Variants in NT5E observed in about 807,000 individuals in gnomAD.
NT5E encodes the protein 5'-nucleotidase ecto.
NT5E carries 53 observed loss-of-function variants against 55.1 expected under a neutral mutation model. That is an observed-to-expected ratio of 0.96 (90% CI 0.77 to 1.21). NT5E has a LOEUF of 1.21. NT5E is among the 50% of genes most tolerant of loss of function. The pLI, the probability that NT5E is intolerant of heterozygous loss-of-function variation, is 0.00. For synonymous variants in NT5E, 270 were observed against 278.4 expected, an observed-to-expected ratio of 0.97 and a Z score of 0.30; for missense variants, 683 against 724.3, an observed-to-expected ratio of 0.94 and a Z score of 0.65.
chr6:85,462,825 A>G (rs1343775346), intron 1 of NT5E, among the ~76,000 whole-genome samples: 1 of 152,232 alleles, frequency 6.6e-6, no homozygotes, highest in Non-Finnish European at 1.5e-5. Context: ...GTGAGAAACC[A>G]AGTTGCTTGG....
intron 5 of NT5E, among the ~76,000 whole-genome samples, chr6:85,487,827 CCTT>C: frequency 6.6e-6 from 1 of 152,154 alleles, no homozygotes; most frequent in East Asian, 1.9e-4. Flanking sequence ...ATACTCAGTA[CCTT>C]CTTAAGGTGC....
At chr6:85,469,547 G>T (rs765592339) in intron 2 of NT5E, among the ~76,000 whole-genome samples, 10 of 152,194 alleles carry the variant, frequency 6.6e-5, no homozygotes, top group Non-Finnish European at 1.2e-4. Context: ...AGTGCAGCAG[G>T]GGGGAAGGTA....
chr6:85,467,028 C>T (rs1388472220), intron 1 of NT5E, 32 bp from the exon 2 acceptor site: 4 of 1,584,646 alleles, frequency 2.5e-6, no homozygotes, highest in Non-Finnish European at 2.6e-6. Context: ...TTTAAAGCAC[C>T]TAATTCTTTT....
intron 5 of NT5E, 44 bp downstream of exon 5, chr6:85,487,533 A>T (rs1310627579): frequency 1.2e-6 from 2 of 1,609,260 alleles, no homozygotes; most frequent in African/African-American, 2.7e-5. Flanking sequence ...GAGGAAGGAA[A>T]GGAAGAGGGA....
rs546666864 is a variant in NT5E, at chr6:85,451,198, A to G, written c.339+720A>G. Among the ~76,000 whole-genome samples the G allele has an allele frequency of 1.3e-3, 205 of 152,228 alleles. 1 individual carries two copies. Among genetic ancestry groups the G allele is most frequent in the African/African-American group, 4.4e-3 (183 of 41,502 alleles). ...TCTATATATGTTGTTATTACCAGACACTATAATATAGGGTTAAGAAAAGGA... is the reference window on the plus strand; with the variant it reads ...TCTATATATGTTGTTATTACCAGACGCTATAATATAGGGTTAAGAAAAGGA... On this transcript the variant is annotated intron_variant, in intron 1 of 8. Transcript: ENST00000257770.
At chr6:85,468,683 G>T (rs1769243331) in intron 2 of NT5E, among the ~76,000 whole-genome samples, 1 of 152,190 alleles carries the variant, frequency 6.6e-6, no homozygotes, top group Non-Finnish European at 1.5e-5. Flanking sequence ...AAGCTAGAAA[G>T]TTGGATCAGG....
chr6:85,492,099 G>GT lies in NT5E; in HGVS notation c.1484dup (p.Ile496AspfsTer19). ...TCTCAAAATGGACGAGGTATATAAG[G>GT]TGATCCTCCCAAACTTCCTGGCCAA... On this transcript the variant is annotated frameshift_variant, in exon 8 of 9. Coordinates refer to ENST00000257770, the MANE Select transcript of NT5E (RefSeq NM_002526.4). LOFTEE classifies it high-confidence loss of function. 6.2e-7 allele frequency: 1 copy of GT among 1,614,176 alleles called. No homozygotes were observed. The highest frequency in any genetic ancestry group is 8.5e-7 in the Non-Finnish European group (1 of 1,180,020).
intron 3 of NT5E, among the ~76,000 whole-genome samples, chr6:85,478,018 C>T (rs932593493): frequency 6.9e-6 from 1 of 145,330 alleles, no homozygotes; most frequent in Non-Finnish European, 1.5e-5. Context: ...CAGAGAGAGA[C>T]CTTGTCTCAA....
At chr6:85,463,404 C>G (rs12202148) in intron 1 of NT5E, among the ~76,000 whole-genome samples, 22 of 152,044 alleles carry the variant, frequency 1.4e-4, no homozygotes, top group Non-Finnish European at 1.3e-4. Context: ...TTTAGGTACC[C>G]CATACATTTA....
At chr6:85,469,713 A>G (rs1479370439) in intron 2 of NT5E, among the ~76,000 whole-genome samples, 1 of 151,960 alleles carries the variant, frequency 6.6e-6, no homozygotes, top group Non-Finnish European at 1.5e-5. Flanking sequence ...CAAAACTACA[A>G]CTCTTGATTT....
chr6:85,493,814 G>A (rs751300318), intron 8 of NT5E, 27 bp from the exon 9 acceptor site: 2 of 1,590,920 alleles, frequency 1.3e-6, no homozygotes, highest in Admixed American at 1.7e-5. Context: ...CTTTTCTGTA[G>A]TTAAAATAAT....
chr6:85,495,070 C>G lies in NT5E; in HGVS notation c.*1066C>G, dbSNP rs992716502. The G allele has an allele frequency of 6.6e-6, 1 of 152,200 alleles. No individual in the cohort carries two copies. 9.4% of individuals were successfully genotyped at this position (152,200 alleles called of 1,614,324 possible). On this transcript the variant is annotated 3_prime_UTR_variant, in exon 9 of 9. Transcript: ENST00000257770. ...TTGTCCCTCTCCAGCAAGAGGCTAG[C>G]ACTGAATTCATTCTACTCATACTAC...
intron 8 of NT5E, 51 bp from the exon 9 acceptor site, chr6:85,493,790 T>G (rs758307065): frequency 1.3e-6 from 2 of 1,502,138 alleles, no homozygotes; most frequent in East Asian, 4.5e-5. Context: ...ACCTTACTGT[T>G]GATTGATAAT....
Position 85,492,036 on chromosome 6 carries a change from G to T in NT5E, c.1420G>T (p.Val474Phe). The T allele has an allele frequency of 1.2e-6, 2 of 1,614,202 alleles. No homozygotes were observed. Among genetic ancestry groups the T allele is most frequent in the Non-Finnish European group, 1.7e-6 (2 of 1,180,016 alleles). Residue 474 changes from valine (V) to phenylalanine (F), a missense_variant, in exon 8 of 9, where the codon GTT (valine) becomes TTT (phenylalanine). Physicochemically the swap from Val to Phe is conservative, Grantham distance 50. Transcript: ENST00000257770. ...TGGAGACAGAGTAGTCAAATTAGATGTTCTTTGCACCAAGTGTCGAGTGCC... is the reference window on the plus strand; with the variant it reads ...TGGAGACAGAGTAGTCAAATTAGATTTTCTTTGCACCAAGTGTCGAGTGCC... ...KPGDRVVKLD[V>F]LCTKCRVPSY...
chr6:85,492,145 T>C lies in NT5E; in HGVS notation c.1529T>C (p.Met510Thr). ...FLANGGDGFQ[M>T]IKDELLRHDS... ...GCCAATGGTGGAGATGGGTTCCAGA[T>C]GATAAAAGATGAATTATTAAGACAT... The change falls in exon 8 of 9, where the codon ATG (methionine) becomes ACG (threonine). Residue 510 changes from methionine (M) to threonine (T), a missense_variant. Physicochemically the swap from Met to Thr is moderately conservative, Grantham distance 81 (BLOSUM62 -1). Coordinates refer to ENST00000257770, the MANE Select transcript of NT5E (RefSeq NM_002526.4). 1 of 1,613,774 alleles carries C rather than the reference T, an allele frequency of 6.2e-7. No homozygotes were observed. The highest frequency in any genetic ancestry group is 8.5e-7 in the Non-Finnish European group (1 of 1,179,748).
At chr6:85,483,814 G>T (rs1769594803) in intron 3 of NT5E, among the ~76,000 whole-genome samples, 1 of 152,142 alleles carries the variant, frequency 6.6e-6, no homozygotes, top group Admixed American at 6.5e-5. Flanking sequence ...CAAATCCTGG[G>T]TTTGCATTTG....
At position 85,490,636 on chromosome 6, in the gene NT5E, G is replaced by A; in HGVS notation, c.1339G>A (p.Gly447Arg). 6.2e-7 allele frequency: 1 copy of A among 1,614,128 alleles called. No homozygotes were observed. Among genetic ancestry groups the A allele is most frequent in the Non-Finnish European group, 8.5e-7 (1 of 1,180,022 alleles). The change falls in exon 7 of 9, where the codon GGA (glycine) becomes AGA (arginine). Residue 447 changes from glycine (G) to arginine (R), a missense_variant. Physicochemically the swap from Gly to Arg is moderately radical, Grantham distance 125 (BLOSUM62 -2). Coordinates refer to ENST00000257770, the MANE Select transcript of NT5E (RefSeq NM_002526.4). ...HSVHRYGQSTGEFLQVGGIHV... is the reference protein window; with the variant it reads ...HSVHRYGQSTREFLQVGGIHV... ...CGTGCACCGCTACGGCCAGTCCACT[G>A]GAGAGTTCCTGCAGGTGGGCGGTAA...
At chr6:85,474,717 C>A (rs537556563) in intron 3 of NT5E, among the ~76,000 whole-genome samples, 1 of 152,172 alleles carries the variant, frequency 6.6e-6, no homozygotes, top group East Asian at 1.9e-4. Context: ...TTGCTTGAGC[C>A]CAGGAGTTCG....
intron 3 of NT5E, among the ~76,000 whole-genome samples, chr6:85,475,467 A>G (rs753911052): frequency 6.6e-6 from 1 of 152,262 alleles, no homozygotes; most frequent in African/African-American, 2.4e-5. Context: ...CCAGTCTAAC[A>G]TCAGAGTGAA....
Sources: allele counts gnomAD v4.1 joint callset (sites outside exome capture counted in the v4.1 genomes callset), GRCh38; gene constraint gnomAD v4.1.1; transcripts MANE v1.5; gene names NCBI Gene and HGNC (gene_info 2026-07-23, HGNC 2026-07-21).